CCDC102B: variants seen among roughly 807,000 people sequenced by gnomAD.
CCDC102B encodes the protein coiled-coil domain containing 102B, also known as coiled-coil domain-containing protein 102B.
CCDC102B carries 75 observed loss-of-function variants against 57.4 expected under a neutral mutation model. The observed-to-expected ratio is 1.31, with a 90% CI of 1.08 to 1.58. The LOEUF is 1.58. Ranked by LOEUF, CCDC102B falls within the 40% of genes most tolerant of loss-of-function variation. CCDC102B has a pLI of 0.00. For missense variants in CCDC102B, 636 were observed against 582.6 expected, an observed-to-expected ratio of 1.09 and a Z score of -0.94; for synonymous variants, 206 against 201.9, an observed-to-expected ratio of 1.02 and a Z score of -0.17.
intron 2 of CCDC102B, among the ~76,000 whole-genome samples, chr18:68,724,384 G>C (rs900222869): frequency 1.3e-5 from 2 of 152,106 alleles, no homozygotes; most frequent in Non-Finnish European, 2.9e-5. Flanking sequence ...CCAGAAAATG[G>C]GGTTTTCTTT....
chr18:68,741,699 AC>A (rs1568227079), intron 2 of CCDC102B, among the ~76,000 whole-genome samples: 7 of 127,420 alleles, frequency 5.5e-5, no homozygotes, highest in African/African-American at 1.8e-4. Context: ...ACACACACAC[AC>A]ACACACACAC....
chr18:68,952,219 T>A (rs974698007), intron 6 of CCDC102B, among the ~76,000 whole-genome samples: 10 of 118,272 alleles, frequency 8.5e-5, no homozygotes, highest in African/African-American at 1.1e-4. Context: ...CATGCAATAT[T>A]TTTTTTTTCA....
upstream of CCDC102B, among the ~76,000 whole-genome samples, chr18:68,797,537 G>A (rs1181242997): frequency 3.3e-5 from 5 of 151,958 alleles, no homozygotes; most frequent in Middle Eastern, 3.2e-3. Context: ...TGGGCACCCC[G>A]GGGACTACAG....
intron 6 of CCDC102B, among the ~76,000 whole-genome samples, chr18:68,948,765 G>A (rs1417152319): frequency 6.6e-6 from 1 of 151,992 alleles, no homozygotes; most frequent in Non-Finnish European, 1.5e-5. Flanking sequence ...GTGAATACCT[G>A]GCCATACACT....
At chr18:68,936,634 G>A (rs1024548542) in intron 6 of CCDC102B, among the ~76,000 whole-genome samples, 1 of 151,644 alleles carries the variant, frequency 6.6e-6, no homozygotes, top group Admixed American at 6.6e-5. Context: ...CTTCAAATTA[G>A]CATACTTCCT....
intron 1 of CCDC102B, among the ~76,000 whole-genome samples, chr18:68,801,901 T>A (rs1466789079): frequency 6.6e-6 from 1 of 152,170 alleles, no homozygotes; most frequent in Non-Finnish European, 1.5e-5. Flanking sequence ...CTGCAAAAGA[T>A]CAAATAGTCT....
Position 69,054,035 on chromosome 18 carries a change from T to C in CCDC102B, c.1440T>C (p.Asp480=). 6.2e-7 allele frequency: 1 copy of C among 1,601,494 alleles called. No individual in the cohort carries two copies. Among genetic ancestry groups the C allele is most frequent in the Non-Finnish European group, 8.5e-7 (1 of 1,176,580 alleles). The change falls in exon 8 of 8, where the codon GAT becomes GAC. Residue 480 remains aspartate (D), a synonymous_variant. Coordinates refer to ENST00000360242, the MANE Select transcript of CCDC102B (RefSeq NM_024781.3). The part of the protein sequence containing the change: ...QGLNQKEDEL[D]DSLNQIRKLQ... Reference sequence around the variant, plus strand: ...ATTTTCTACTTCGCTTTCAGCTTGATGATTCCCTGAATCAGATCCGTAAGC... The same window carrying C: ...ATTTTCTACTTCGCTTTCAGCTTGACGATTCCCTGAATCAGATCCGTAAGC...
intron 2 of CCDC102B, among the ~76,000 whole-genome samples, chr18:68,764,823 C>T (rs1168631381): frequency 6.6e-6 from 1 of 151,706 alleles, no homozygotes; most frequent in Non-Finnish European, 1.5e-5. Flanking sequence ...ATCAGTTGAG[C>T]CCAGGAGTTT....
At chr18:68,870,500 ACT>A (rs1346740115) in intron 4 of CCDC102B, among the ~76,000 whole-genome samples, 2 of 152,124 alleles carry the variant, frequency 1.3e-5, no homozygotes, top group Admixed American at 1.3e-4. Context: ...GAGAGAAACA[ACT>A]CTTAGAATGA....
intron 2 of CCDC102B, among the ~76,000 whole-genome samples, chr18:68,748,600 A>G (rs1026602972): frequency 6.6e-6 from 1 of 152,140 alleles, no homozygotes; most frequent in African/African-American, 2.4e-5. Context: ...CACATTACCC[A>G]AATGCTTTGT....
chr18:68,741,710 CACA>C lies in CCDC102B; in HGVS notation c.-67+25117_-67+25119del, dbSNP rs1568227184. ...ACACACACACACACACACACACACA[CACA>C]CCCCAAGACAATATAGAAAGGTTTA... On this transcript the variant is annotated intron_variant, in intron 2 of 3. Coordinates refer to the CCDC102B transcript ENST00000578970. 3.9e-3 allele frequency among the ~76,000 whole-genome samples: 394 copies of C among 100,060 alleles called. 1 individual carries two copies. The highest frequency in any genetic ancestry group is 9.0e-3 in the African/African-American group (213 of 23,766). 65.6% of individuals were successfully genotyped at this position (100,060 alleles called of 152,430 possible).
At chr18:68,808,468 CT>C (rs1157601164) in intron 1 of CCDC102B, among the ~76,000 whole-genome samples, 6,966 of 91,554 alleles carry the variant, frequency 0.076, 67 homozygotes, top group East Asian at 0.13. Flanking sequence ...GCTTTTACTA[CT>C]TTTTTTTTTT....
intron 3 of CCDC102B, among the ~76,000 whole-genome samples, chr18:68,845,935 T>C (rs1404434144): frequency 6.6e-6 from 1 of 151,750 alleles, no homozygotes; most frequent in Admixed American, 6.6e-5. Flanking sequence ...ATTCACATAA[T>C]AGCCACAATA....
chr18:68,781,277 T>C (rs2144635228), intron 2 of CCDC102B, among the ~76,000 whole-genome samples: 1 of 152,266 alleles, frequency 6.6e-6, no homozygotes, highest in South Asian at 2.1e-4. Context: ...TATATATTAA[T>C]TTTATACAAG....
upstream of CCDC102B, among the ~76,000 whole-genome samples, chr18:68,795,835 A>C (rs2035611663): frequency 6.6e-6 from 1 of 152,204 alleles, no homozygotes; most frequent in Non-Finnish European, 1.5e-5. Context: ...TGGCAAAAGA[A>C]GCCTCAAAAA....
chr18:68,923,400 T>C (rs1218919966), intron 6 of CCDC102B, among the ~76,000 whole-genome samples: 1 of 151,900 alleles, frequency 6.6e-6, no homozygotes, highest in Non-Finnish European at 1.5e-5. Flanking sequence ...ATACAGTGTG[T>C]ATGACACCAA....
chr18:68,865,758 C>T (rs1344724280), intron 4 of CCDC102B, among the ~76,000 whole-genome samples: 1 of 152,126 alleles, frequency 6.6e-6, no homozygotes, highest in East Asian at 1.9e-4. Context: ...ATCAATGGGT[C>T]ACAAACCTTT....
chr18:68,956,836 A>G (rs1006841011), intron 6 of CCDC102B, among the ~76,000 whole-genome samples: 5 of 151,056 alleles, frequency 3.3e-5, no homozygotes, highest in African/African-American at 1.2e-4. Context: ...GAGGTAAGAT[A>G]ATATCTCGCT....
chr18:69,054,017 A>G lies in CCDC102B; in HGVS notation c.1435-13A>G. 1.3e-6 allele frequency: 2 copies of G among 1,596,274 alleles called. No individual in the cohort carries two copies. The highest frequency in any genetic ancestry group is 1.7e-6 in the Non-Finnish European group (2 of 1,174,612). ...CTTGAACCTAACTAAAGCATTTTCT[A>G]CTTCGCTTTCAGCTTGATGATTCCC... On this transcript the variant is annotated splice_polypyrimidine_tract_variant and intron_variant, in intron 7 of 7. Coordinates refer to ENST00000360242, the MANE Select transcript of CCDC102B (RefSeq NM_024781.3).
Sources: gnomAD v4.1 joint callset for allele counts (sites outside exome capture counted in the v4.1 genomes callset) on GRCh38, gnomAD v4.1.1 for gene constraint, MANE v1.5 for transcripts, NCBI Gene and HGNC (gene_info 2026-07-23, HGNC 2026-07-21) for gene names.